The following FRMD4A variants were observed in gnomAD, a reference collection of about 807,000 sequenced individuals.
FRMD4A encodes FERM domain containing 4A.
FRMD4A carries 29 observed loss-of-function variants against 129.1 expected under a neutral mutation model. The observed-to-expected ratio is 0.22, with a 90% confidence interval of 0.17 to 0.31. FRMD4A has a LOEUF of 0.31. FRMD4A is among the 10% of genes least tolerant of loss of function. The probability of loss-of-function intolerance (pLI) is 1.00; values close to 1 mark genes in which losing one functional copy is unlikely to be tolerated. For synonymous variants in FRMD4A, 634 were observed against 571.6 expected (o/e 1.11, Z -1.56); for missense variants, 1,272 against 1,375.8 (o/e 0.92, Z 1.19).
chr10:14,205,529 G>A (rs1385748804), intron 2 of FRMD4A, among the ~76,000 whole-genome samples: 4 of 152,078 alleles, frequency 2.6e-5, no homozygotes, highest in African/African-American at 9.7e-5. Context: ...ATTATGGGCC[G>A]GGTGCGGTGG....
intron 2 of FRMD4A, chr10:13,890,617 CT>C: frequency 1.0e-6 from 1 of 985,400 alleles, no homozygotes; most frequent in Non-Finnish European, 1.2e-6. Flanking sequence ...AGAGCAACCC[CT>C]TTCATCACTA....
chr10:14,160,112 A>G (rs1840807264), intron 2 of FRMD4A, among the ~76,000 whole-genome samples: 1 of 152,206 alleles, frequency 6.6e-6, no homozygotes, highest in African/African-American at 2.4e-5. Context: ...ATAAAAACAG[A>G]CACATATATC....
At chr10:14,136,374 T>C (rs897631203) in intron 2 of FRMD4A, among the ~76,000 whole-genome samples, 1 of 152,214 alleles carries the variant, frequency 6.6e-6, no homozygotes. Flanking sequence ...AAAACAGTTC[T>C]GTTGAATTTC....
intron 6 of FRMD4A, among the ~76,000 whole-genome samples, chr10:13,773,534 T>A (rs770608236): frequency 1.3e-5 from 2 of 152,224 alleles, no homozygotes; most frequent in Admixed American, 6.5e-5. Flanking sequence ...TCTCTGAAGG[T>A]TTGCATGTAA....
intron 2 of FRMD4A, among the ~76,000 whole-genome samples, chr10:14,017,393 C>A (rs1264482418): frequency 6.6e-6 from 1 of 152,136 alleles, no homozygotes; most frequent in Admixed American, 6.5e-5. Context: ...CCTGGAATGG[C>A]AATATAAATA....
chr10:14,093,176 G>A (rs61338158), intron 2 of FRMD4A, among the ~76,000 whole-genome samples: 19,836 of 152,132 alleles, frequency 0.13, 1,864 homozygotes, highest in African/African-American at 0.25. Context: ...CTGCCTGCAC[G>A]GCTCAGCAGT....
chr10:14,183,357 T>C (rs1005024259), intron 2 of FRMD4A, among the ~76,000 whole-genome samples: 1 of 152,244 alleles, frequency 6.6e-6, no homozygotes, highest in African/African-American at 2.4e-5. Context: ...CTCATTCTTC[T>C]AAGTTATTCT....
At chr10:14,063,992 T>C (rs1834937545) in intron 2 of FRMD4A, among the ~76,000 whole-genome samples, 1 of 152,184 alleles carries the variant, frequency 6.6e-6, no homozygotes, top group African/African-American at 2.4e-5. Context: ...CAGCATTATG[T>C]CAACCAGGGA....
chr10:14,192,804 G>A (rs908952534), intron 2 of FRMD4A, among the ~76,000 whole-genome samples: 1 of 152,210 alleles, frequency 6.6e-6, no homozygotes, highest in Non-Finnish European at 1.5e-5. Flanking sequence ...CCTTCAAAGA[G>A]TTTTTAAGCA....
At chr10:13,955,149 C>A (rs1285671187) in intron 2 of FRMD4A, among the ~76,000 whole-genome samples, 2 of 122,154 alleles carry the variant, frequency 1.6e-5, no homozygotes. Context: ...ACTCTGTCAC[C>A]CAGGCTGGAG....
intron 2 of FRMD4A, among the ~76,000 whole-genome samples, chr10:14,088,068 A>G (rs1014728655): frequency 6.6e-6 from 1 of 152,196 alleles, no homozygotes; most frequent in African/African-American, 2.4e-5. Flanking sequence ...TTAGGAATGT[A>G]GGATGCTAAT....
At chr10:14,073,378 T>G (rs1835407906) in intron 2 of FRMD4A, among the ~76,000 whole-genome samples, 1 of 152,066 alleles carries the variant, frequency 6.6e-6, no homozygotes, top group South Asian at 2.1e-4. Flanking sequence ...CATGAAGAAT[T>G]AGATCCATTG....
chr10:13,742,258 C>T (rs952403384), intron 9 of FRMD4A, among the ~76,000 whole-genome samples: 9 of 152,178 alleles, frequency 5.9e-5, no homozygotes, highest in Non-Finnish European at 1.2e-4. Flanking sequence ...GTAGGAGATA[C>T]GGCCGCTCCC....
At chr10:13,964,718 C>T (rs1588590689) in intron 2 of FRMD4A, among the ~76,000 whole-genome samples, 1 of 145,766 alleles carries the variant, frequency 6.9e-6, no homozygotes, top group Non-Finnish European at 1.5e-5. Flanking sequence ...TGTCACCAGG[C>T]TGGAGTGCAA....
Position 13,737,865 on chromosome 10 carries a change from A to G in FRMD4A, c.738T>C (p.His246=), listed in dbSNP as rs1435646244. The G allele has an allele frequency of 6.3e-7, 1 of 1,598,462 alleles. No individual in the cohort carries two copies. The highest frequency in any genetic ancestry group is 2.2e-5 in the East Asian group (1 of 44,774). ...TTACCTTTCTTGGCTTCACTTTATC[A>G]TGGTAGTCATACTGGAAGATCCCTT... ...SYKGIFQYDY[H]DKVKPRKIFQ... Residue 246 remains histidine (H), a synonymous_variant, in exon 12 of 25, where the codon CAT becomes CAC. Transcript: ENST00000357447.
At chr10:13,970,467 C>T (rs991941605) in intron 2 of FRMD4A, among the ~76,000 whole-genome samples, 23 of 152,152 alleles carry the variant, frequency 1.5e-4, no homozygotes, top group African/African-American at 3.9e-4. Context: ...TTAGCCAGTG[C>T]GTTTTATTAA....
chr10:14,130,776 G>A (rs1173505181), intron 2 of FRMD4A, among the ~76,000 whole-genome samples: 3 of 152,224 alleles, frequency 2.0e-5, no homozygotes, highest in Non-Finnish European at 4.4e-5. Context: ...CGGTAAATAC[G>A]AGTATATTTA....
At chr10:13,750,523 G>A (rs2091563982) in intron 8 of FRMD4A, among the ~76,000 whole-genome samples, 1 of 152,146 alleles carries the variant, frequency 6.6e-6, no homozygotes, top group Non-Finnish European at 1.5e-5. Context: ...AGGAAATAAA[G>A]GCACCCTTGG....
intron 17 of FRMD4A, 131 bp downstream of exon 17, chr10:13,670,275 G>A: frequency 2.2e-6 from 2 of 891,518 alleles, no homozygotes; most frequent in South Asian, 1.5e-5. Context: ...GCTCACTCAA[G>A]AAAAGGTATG....
Sources: gnomAD v4.1 joint callset for allele counts (sites outside exome capture counted in the v4.1 genomes callset) on GRCh38, gnomAD v4.1.1 for gene constraint, MANE v1.5 for transcripts, NCBI Gene and HGNC (gene_info 2026-07-23, HGNC 2026-07-21) for gene names.